Variants in KCNT2 observed in about 807,000 individuals in gnomAD.
The protein encoded by KCNT2 is potassium channel subfamily T member 2.
In KCNT2, 67 loss-of-function variants were observed where a neutral mutation model predicts 153.8. That is an observed-to-expected ratio of 0.44 (90% CI 0.36 to 0.53). The LOEUF (loss-of-function observed/expected upper bound fraction) is 0.53. Among genes scored for constraint, KCNT2 ranks in the 20% least tolerant of loss-of-function variants. KCNT2 has a pLI of 0.00. For synonymous variants in KCNT2, 500 were observed against 458.8 expected (o/e 1.09, Z -1.15); for missense variants, 975 against 1,354.8 (o/e 0.72, Z 4.40).
intron 1 of KCNT2, among the ~76,000 whole-genome samples, chr1:196,527,028 A>G (rs775311236): frequency 2.6e-5 from 4 of 152,058 alleles, no homozygotes; most frequent in Non-Finnish European, 4.4e-5. Context: ...CTGTGCATGT[A>G]AGGGATCTAT....
chr1:196,361,993 T>C (rs1667667884), intron 14 of KCNT2, among the ~76,000 whole-genome samples: 1 of 151,986 alleles, frequency 6.6e-6, no homozygotes, highest in Admixed American at 6.6e-5. Context: ...TTTATCCACC[T>C]AAGGAGGAGG....
At chr1:196,451,430 T>C (rs1433533122) in intron 8 of KCNT2, among the ~76,000 whole-genome samples, 7 of 124,860 alleles carry the variant, frequency 5.6e-5, no homozygotes, top group African/African-American at 2.1e-4. Context: ...TTTTTTTTTT[T>C]TTGGATTTTA....
At chr1:196,537,461 T>C (rs2148863825) in intron 1 of KCNT2, among the ~76,000 whole-genome samples, 1 of 152,270 alleles carries the variant, frequency 6.6e-6, no homozygotes, top group East Asian at 1.9e-4. Context: ...CCCCAGAATG[T>C]ATCTGCACTA....
Position 196,289,474 on chromosome 1 carries a change from T to C in KCNT2, c.2596-3716A>G, listed in dbSNP as rs1026411319. The stretch of plus-strand genomic sequence containing the variant: ...TGCCTGGCACACAGTCAGTGACATT[T>C]GATTGGAAAAATAAATAAATTTTTT... On this transcript the variant is annotated intron_variant, in intron 22 of 27. Transcript: ENST00000294725. Among the ~76,000 whole-genome samples the C allele has an allele frequency of 2.6e-5, 4 of 152,234 alleles. No individual in the cohort carries two copies. The East Asian group carries it at 5.8e-4, about 22-fold the overall frequency.
At chr1:196,270,456 C>A (rs952635862) in intron 25 of KCNT2, among the ~76,000 whole-genome samples, 1 of 152,008 alleles carries the variant, frequency 6.6e-6, no homozygotes, top group African/African-American at 2.4e-5. Flanking sequence ...ATATATTATG[C>A]ATATTTATAT....
intron 1 of KCNT2, among the ~76,000 whole-genome samples, chr1:196,594,100 C>G (rs959398851): frequency 3.9e-5 from 6 of 152,044 alleles, no homozygotes; most frequent in Non-Finnish European, 7.4e-5. Flanking sequence ...AACACCTCCA[C>G]ATGTCCCTTG....
intron 13 of KCNT2, among the ~76,000 whole-genome samples, chr1:196,383,194 CTTTTTCTTTTTAAT>C (rs1669657329): frequency 6.6e-6 from 1 of 151,728 alleles, no homozygotes; most frequent in Non-Finnish European, 1.5e-5. Flanking sequence ...GGCCAGTTTT[CTTTTTCTTTTTAAT>C]TGTAAAATAA....
chr1:196,424,258 C>T (rs868475037), intron 11 of KCNT2, among the ~76,000 whole-genome samples: 4 of 151,820 alleles, frequency 2.6e-5, no homozygotes, highest in Middle Eastern at 3.4e-3. Flanking sequence ...TAGCTAATAC[C>T]AATAACTCAG....
At chr1:196,590,665 G>T (rs565981140) in intron 1 of KCNT2, among the ~76,000 whole-genome samples, 1 of 152,082 alleles carries the variant, frequency 6.6e-6, no homozygotes, top group Admixed American at 6.6e-5. Flanking sequence ...AATCCTAAAG[G>T]TTGATCTACT....
intron 1 of KCNT2, among the ~76,000 whole-genome samples, chr1:196,557,247 C>A (rs900035709): frequency 2.0e-5 from 3 of 151,020 alleles, no homozygotes; most frequent in Non-Finnish European, 4.4e-5. Flanking sequence ...ATCTCATATA[C>A]CCCTGAAATA....
intron 12 of KCNT2, among the ~76,000 whole-genome samples, chr1:196,408,078 G>A (rs1558253526): frequency 1.3e-5 from 2 of 151,242 alleles, no homozygotes; most frequent in Admixed American, 1.3e-4. Flanking sequence ...AATGTTTCTC[G>A]AGGGCCTGGA....
At chr1:196,326,654 G>C (rs2148071681) in intron 19 of KCNT2, 63 bp downstream of exon 19, 1 of 892,338 alleles carries the variant, frequency 1.1e-6, no homozygotes, top group Admixed American at 3.0e-5. Context: ...AATTATTTTT[G>C]ATATACATTA....
intron 8 of KCNT2, among the ~76,000 whole-genome samples, chr1:196,435,903 A>G (rs1434899640): frequency 6.6e-6 from 1 of 151,724 alleles, no homozygotes; most frequent in Non-Finnish European, 1.5e-5. Flanking sequence ...GAAATTGTTT[A>G]GAGGGGAATT....
At chr1:196,574,264 T>A (rs978456540) in intron 1 of KCNT2, among the ~76,000 whole-genome samples, 1 of 151,908 alleles carries the variant, frequency 6.6e-6, no homozygotes, top group Non-Finnish European at 1.5e-5. Flanking sequence ...TTATTGTATG[T>A]TAATCAACTT....
intron 4 of KCNT2, among the ~76,000 whole-genome samples, chr1:196,481,854 T>C (rs1395372082): frequency 2.0e-5 from 3 of 152,212 alleles, no homozygotes; most frequent in Non-Finnish European, 4.4e-5. Context: ...ATTTACATGA[T>C]TAATTGCTTA....
intron 1 of KCNT2, among the ~76,000 whole-genome samples, chr1:196,606,624 A>G (rs1210556359): frequency 2.0e-5 from 3 of 152,216 alleles, no homozygotes; most frequent in African/African-American, 7.2e-5. Context: ...AAATGAGGGC[A>G]ACCACATGAA....
At chr1:196,311,490 C>A (rs186551108) in intron 21 of KCNT2, among the ~76,000 whole-genome samples, 1 of 151,968 alleles carries the variant, frequency 6.6e-6, no homozygotes, top group Admixed American at 6.6e-5. Context: ...CATTATCTTA[C>A]AAGTGTGGTC....
intron 12 of KCNT2, among the ~76,000 whole-genome samples, chr1:196,402,248 A>G (rs2148452713): frequency 6.6e-6 from 1 of 151,754 alleles, no homozygotes; most frequent in East Asian, 1.9e-4. Context: ...AAACAAGAGT[A>G]ACAAATGTTT....
chr1:196,243,458 C>T (rs1188028593), intron 26 of KCNT2, among the ~76,000 whole-genome samples: 1 of 152,092 alleles, frequency 6.6e-6, no homozygotes, highest in African/African-American at 2.4e-5. Flanking sequence ...TAGGAAAGAC[C>T]ATCTTGAATT....
Sources: allele counts gnomAD v4.1 joint callset (sites outside exome capture counted in the v4.1 genomes callset), GRCh38; gene constraint gnomAD v4.1.1; transcripts MANE v1.5; gene names NCBI Gene and HGNC (gene_info 2026-07-23, HGNC 2026-07-21).